The following AKAP10 variants were observed in gnomAD, a reference collection of about 807,000 sequenced individuals.
The protein encoded by AKAP10 is A-kinase anchoring protein 10, also known as A-kinase anchor protein 10, mitochondrial.
AKAP10 carries 24 observed loss-of-function variants against 80.8 expected under a neutral mutation model. The observed-to-expected ratio is 0.30, with a 90% CI of 0.22 to 0.42. The LOEUF is 0.42. Among genes scored for constraint, AKAP10 ranks in the 10% least tolerant of loss-of-function variants. The pLI is 1.00. For missense variants in AKAP10, 661 were observed against 794.9 expected, an observed-to-expected ratio of 0.83 and a Z score of 2.03; for synonymous variants, 291 against 277.7, an observed-to-expected ratio of 1.05 and a Z score of -0.48.
rs910690507 is a variant in AKAP10, at chr17:19,906,145, T to C, written c.*82A>G. ...GATCAGAAATATAGTGCTGTTTTCA[T>C]TGGCTGTGTTGAAGAATCCAACCAA... On this transcript the variant is annotated 3_prime_UTR_variant, in exon 15 of 15. Transcript: ENST00000225737. 24 of 1,437,752 alleles carry C rather than the reference T, an allele frequency of 1.7e-5. No homozygotes were observed. Among genetic ancestry groups the C allele is most frequent in the South Asian group, 2.3e-5 (2 of 86,134 alleles). The allele number at this position is 1,437,752 out of a possible 1,614,324, so 89.1% of individuals were successfully genotyped here.
intron 4 of AKAP10, among the ~76,000 whole-genome samples, chr17:19,952,464 C>CAATAAATAAATA (rs57806192): frequency 2.2e-4 from 33 of 148,204 alleles, no homozygotes; most frequent in Admixed American, 5.4e-4. Flanking sequence ...AACTCTGTCT[C>CAATAAATAAATA]AATAAATAAA....
chr17:19,967,540 CT>C (rs1483367796), intron 2 of AKAP10, among the ~76,000 whole-genome samples: 1 of 152,170 alleles, frequency 6.6e-6, no homozygotes, highest in African/African-American at 2.4e-5. Flanking sequence ...AAGAAGGGCA[CT>C]GGTTCACTGT....
intron 2 of AKAP10, among the ~76,000 whole-genome samples, chr17:19,963,494 A>T (rs1567775606): frequency 1.3e-5 from 2 of 152,232 alleles, no homozygotes; most frequent in Non-Finnish European, 2.9e-5. Context: ...TAACAAAGCC[A>T]GAAAGCATTC....
intron 11 of AKAP10, among the ~76,000 whole-genome samples, chr17:19,922,926 A>G (rs1356680683): frequency 6.6e-6 from 1 of 152,144 alleles, no homozygotes; most frequent in Non-Finnish European, 1.5e-5. Context: ...ACAAAAACAT[A>G]TATATTTACA....
intron 10 of AKAP10, among the ~76,000 whole-genome samples, chr17:19,931,088 T>C (rs1422405566): frequency 1.3e-5 from 2 of 152,010 alleles, no homozygotes; most frequent in Non-Finnish European, 2.9e-5. Context: ...GTGGGTGGAT[T>C]ATTTGAGCCC....
Position 19,961,803 on chromosome 17 carries a change from G to A in AKAP10, c.319+1037C>T, listed in dbSNP as rs188321493. ...AAACATGCCTTAGACATTTTCCCACGTCTTTTTTAGATTTCTAAATGGCTA... is the reference window on the plus strand; with the variant it reads ...AAACATGCCTTAGACATTTTCCCACATCTTTTTTAGATTTCTAAATGGCTA... On this transcript the variant is annotated intron_variant, in intron 3 of 14. Coordinates refer to ENST00000225737, the MANE Select transcript of AKAP10 (RefSeq NM_007202.4). Among the ~76,000 whole-genome samples the A allele has an allele frequency of 1.4e-3, 211 of 152,082 alleles. 1 individual carries two copies. The highest frequency in any genetic ancestry group is 4.8e-3 in the Admixed American group (73 of 15,264).
intron 12 of AKAP10, among the ~76,000 whole-genome samples, chr17:19,912,232 T>C (rs2042698741): frequency 6.6e-6 from 1 of 152,152 alleles, no homozygotes; most frequent in African/African-American, 2.4e-5. Context: ...CTAACCAACA[T>C]GGTGAAACCC....
intron 11 of AKAP10, among the ~76,000 whole-genome samples, chr17:19,924,055 A>G (rs2042847866): frequency 6.6e-6 from 1 of 152,230 alleles, no homozygotes; most frequent in South Asian, 2.1e-4. Context: ...ACAAGCTAAA[A>G]TGAATAACCA....
chr17:19,950,226 AAAAT>A (rs1176658582), intron 4 of AKAP10, among the ~76,000 whole-genome samples: 1 of 152,320 alleles, frequency 6.6e-6, no homozygotes, highest in South Asian at 2.1e-4. Flanking sequence ...ATCACTCAAA[AAAAT>A]AAATAAATAA....
rs911081865 is a variant in AKAP10, at chr17:19,970,822, T to TAAAA, written c.89-2365_89-2362dup. On this transcript the variant is annotated intron_variant, in intron 1 of 14. Coordinates refer to ENST00000225737, the MANE Select transcript of AKAP10 (RefSeq NM_007202.4). ...TGGGTGACAGAGCAAGACTCTGTCT[T>TAAAA]AAAAAAAAAAAAATAAATAAATAAA... Among the ~76,000 whole-genome samples, 11 of 148,214 alleles carry TAAAA rather than the reference T, an allele frequency of 7.4e-5. No homozygotes were observed. The East Asian group carries it at 2.2e-3, about 29-fold the overall frequency.
intron 4 of AKAP10, 148 bp downstream of exon 4, chr17:19,957,866 T>C: frequency 1.2e-6 from 1 of 821,302 alleles, no homozygotes; most frequent in Non-Finnish European, 1.9e-6. Context: ...CTGACTCTAC[T>C]ACACTCTCCA....
chr17:19,957,743 G>C (rs1009802460), intron 4 of AKAP10, among the ~76,000 whole-genome samples: 1 of 152,100 alleles, frequency 6.6e-6, no homozygotes, highest in African/African-American at 2.4e-5. Context: ...ATAATGGTTT[G>C]ATGTCAAAAT....
intron 5 of AKAP10, among the ~76,000 whole-genome samples, chr17:19,946,125 ACT>A (rs1156778518): frequency 1.3e-4 from 17 of 132,688 alleles, no homozygotes; most frequent in Non-Finnish European, 2.0e-4. Context: ...ATATACACAC[ACT>A]AATATGTATA....
At chr17:19,956,240 G>A (rs766904138) in intron 4 of AKAP10, among the ~76,000 whole-genome samples, 33 of 152,098 alleles carry the variant, frequency 2.2e-4, no homozygotes, top group Non-Finnish European at 3.8e-4. Context: ...CCAGGCCCCA[G>A]GTGCATGGCA....
Position 19,905,145 on chromosome 17 carries a change from C to T in AKAP10, c.*1082G>A, listed in dbSNP as rs996288464. The T allele has an allele frequency of 3.9e-5, 6 of 151,906 alleles. No individual in the cohort carries two copies. Among genetic ancestry groups the T allele is most frequent in the African/African-American group, 1.5e-4 (6 of 41,338 alleles). 9.4% of individuals were successfully genotyped at this position (151,906 alleles called of 1,614,324 possible). A position where few individuals can be genotyped will look rare whatever the true frequency, so the allele number is the denominator to read the frequency against. Reference sequence around the variant, plus strand: ...CCACGTGGTCAATGGAGTGTGCTCACCAACTGGGCAGTCCTGCTGATGGCT... The same window carrying T: ...CCACGTGGTCAATGGAGTGTGCTCATCAACTGGGCAGTCCTGCTGATGGCT... On this transcript the variant is annotated 3_prime_UTR_variant, in exon 15 of 15. Transcript: ENST00000225737.
At chr17:19,906,351 G>A in intron 14 of AKAP10, 119 bp from the exon 15 acceptor site, 1 of 1,078,378 alleles carries the variant, frequency 9.3e-7, no homozygotes, top group Admixed American at 2.3e-5. Context: ...GTTTAAGACA[G>A]CCAGAAGCTG....
At chr17:19,977,429 G>A (rs1456973650) in intron 1 of AKAP10, among the ~76,000 whole-genome samples, 163 bp downstream of exon 1, 1 of 152,242 alleles carries the variant, frequency 6.6e-6, no homozygotes, top group African/African-American at 2.4e-5. Flanking sequence ...CTCCCTCCCA[G>A]AAGAGTCCCG....
intron 7 of AKAP10, among the ~76,000 whole-genome samples, chr17:19,940,250 T>C (rs963733842): frequency 1.3e-5 from 2 of 152,172 alleles, no homozygotes; most frequent in Non-Finnish European, 2.9e-5. Flanking sequence ...TTTAAACTTA[T>C]AGCAAAGAAA....
intron 2 of AKAP10, among the ~76,000 whole-genome samples, chr17:19,966,685 A>T (rs2043423675): frequency 6.6e-6 from 1 of 152,228 alleles, no homozygotes; most frequent in Non-Finnish European, 1.5e-5. Flanking sequence ...GAGATTTAGA[A>T]ATTAGCTAGG....
Sources: allele counts gnomAD v4.1 joint callset (sites outside exome capture counted in the v4.1 genomes callset), GRCh38; gene constraint gnomAD v4.1.1; transcripts MANE v1.5; gene names NCBI Gene and HGNC (gene_info 2026-07-23, HGNC 2026-07-21).